Variants in ZNF804B observed in about 807,000 individuals in gnomAD.
The protein encoded by ZNF804B is zinc finger protein 804B.
In ZNF804B, 80 loss-of-function variants were observed where a neutral mutation model predicts 101.4. The ratio of observed to expected loss-of-function variants is 0.79; its 90% CI spans 0.66 to 0.95. The LOEUF is 0.95. Among genes scored for constraint, ZNF804B ranks in the 40% least tolerant of loss-of-function variants. The pLI is 0.00. For missense variants in ZNF804B, 1,673 were observed against 1,561.9 expected, an observed-to-expected ratio of 1.07 and a Z score of -1.20; for synonymous variants, 622 against 558.8, an observed-to-expected ratio of 1.11 and a Z score of -1.59.
At chr7:88,858,508 A>G (rs1791603966) in intron 1 of ZNF804B, among the ~76,000 whole-genome samples, 1 of 152,166 alleles carries the variant, frequency 6.6e-6, no homozygotes, top group Non-Finnish European at 1.5e-5. Flanking sequence ...TGGGGCATGC[A>G]ATAGAATTTG....
intron 1 of ZNF804B, among the ~76,000 whole-genome samples, chr7:88,931,158 G>A (rs1346489065): frequency 6.6e-6 from 1 of 151,864 alleles, no homozygotes; most frequent in Non-Finnish European, 1.5e-5. Flanking sequence ...TCCTGAGAAA[G>A]ATACTTCTTT....
At chr7:89,135,538 C>G (rs1790618346) in intron 1 of ZNF804B, among the ~76,000 whole-genome samples, 2 of 152,156 alleles carry the variant, frequency 1.3e-5, no homozygotes, top group South Asian at 2.1e-4. Flanking sequence ...TATTTCCTAT[C>G]ACTTTACAAA....
chr7:89,252,360 A>G (rs1486957635), intron 2 of ZNF804B, among the ~76,000 whole-genome samples: 1 of 152,188 alleles, frequency 6.6e-6, no homozygotes, highest in Non-Finnish European at 1.5e-5. Flanking sequence ...CTATTATTAA[A>G]AGTAAAAAGC....
At chr7:88,780,156 C>T (rs771620318) in intron 1 of ZNF804B, among the ~76,000 whole-genome samples, 2 of 151,876 alleles carry the variant, frequency 1.3e-5, no homozygotes, top group African/African-American at 4.8e-5. Flanking sequence ...GGCTTATATC[C>T]AAAAGACAGG....
At position 89,203,753 on chromosome 7, in the gene ZNF804B, G is replaced by A. The variant is rs149496608; in HGVS notation, c.109-14402G>A. Among the ~76,000 whole-genome samples the A allele has an allele frequency of 1.9e-3, 291 of 152,164 alleles. 1 individual carries two copies. Among genetic ancestry groups the A allele is most frequent in the Middle Eastern group, 6.8e-3 (2 of 294 alleles). On this transcript the variant is annotated intron_variant, in intron 1 of 3. Transcript: ENST00000333190. ...CTTATTATTAGACATAATAGCAGAC[G>A]TTCAGGAGAATAGAGAGATGTCCTT...
chr7:88,977,499 C>T (rs1182318505), intron 1 of ZNF804B, among the ~76,000 whole-genome samples: 1 of 151,434 alleles, frequency 6.6e-6, no homozygotes, highest in Non-Finnish European at 1.5e-5. Flanking sequence ...AGGAATTTAT[C>T]CATTTCTTCT....
intron 2 of ZNF804B, among the ~76,000 whole-genome samples, chr7:89,320,551 A>G (rs943763258): frequency 1.3e-5 from 2 of 152,120 alleles, no homozygotes; most frequent in African/African-American, 2.4e-5. Context: ...ATCATTTAGC[A>G]TATACACTAT....
intron 1 of ZNF804B, chr7:88,794,837 C>A: frequency 2.5e-6 from 4 of 1,613,724 alleles, no homozygotes; most frequent in Non-Finnish European, 3.4e-6. Flanking sequence ...CGTTGTTTCT[C>A]TTCTTGAAAG....
At chr7:88,962,342 A>C (rs1793397649) in intron 1 of ZNF804B, among the ~76,000 whole-genome samples, 1 of 151,174 alleles carries the variant, frequency 6.6e-6, no homozygotes, top group Non-Finnish European at 1.5e-5. Context: ...CCAGATGACG[A>C]TATGTAGTTG....
At chr7:88,774,166 C>A (rs1346763640) in intron 1 of ZNF804B, among the ~76,000 whole-genome samples, 1 of 148,706 alleles carries the variant, frequency 6.7e-6, no homozygotes. Flanking sequence ...AAATTTTTAT[C>A]TAGAGACTTT....
In ZNF804B at chr7:88,963,805, G is replaced by A. The variant is rs923789840; in HGVS notation, c.108+203721G>A. 6.6e-5 allele frequency among the ~76,000 whole-genome samples: 10 copies of A among 150,816 alleles called. No individual in the cohort carries two copies. In the East Asian group the frequency reaches 1.8e-3, roughly 27 times the overall value. ...TGACAAGAGAGTAACAATATATCAAGGACTTCTACAAATTATGAACAAACA... is the reference window on the plus strand; with the variant it reads ...TGACAAGAGAGTAACAATATATCAAAGACTTCTACAAATTATGAACAAACA... On this transcript the variant is annotated intron_variant, in intron 1 of 3. Coordinates refer to ENST00000333190, the MANE Select transcript of ZNF804B (RefSeq NM_181646.5).
chr7:88,953,388 A>G (rs964618681), intron 1 of ZNF804B, among the ~76,000 whole-genome samples: 7 of 151,626 alleles, frequency 4.6e-5, no homozygotes, highest in African/African-American at 1.7e-4. Flanking sequence ...TCTCTAAATA[A>G]CCCTCCAGTT....
At chr7:89,330,587 A>G (rs978756204) in intron 3 of ZNF804B, among the ~76,000 whole-genome samples, 3 of 151,676 alleles carry the variant, frequency 2.0e-5, no homozygotes, top group Admixed American at 6.6e-5. Context: ...AAAGATAAAA[A>G]CAGGATTTTC....
At chr7:89,237,842 C>A (rs1789308388) in intron 2 of ZNF804B, among the ~76,000 whole-genome samples, 1 of 152,110 alleles carries the variant, frequency 6.6e-6, no homozygotes, top group African/African-American at 2.4e-5. Context: ...TGCTTTATTC[C>A]AGATACTCAC....
chr7:89,127,796 A>C (rs544965834), intron 1 of ZNF804B, among the ~76,000 whole-genome samples: 66 of 151,738 alleles, frequency 4.3e-4, no homozygotes, highest in Non-Finnish European at 8.4e-4. Flanking sequence ...TAATGGCAAA[A>C]CAGCAATTAC....
At chr7:89,298,546 A>G (rs1048573302) in intron 2 of ZNF804B, among the ~76,000 whole-genome samples, 1 of 151,512 alleles carries the variant, frequency 6.6e-6, no homozygotes, top group South Asian at 2.1e-4. Flanking sequence ...CATAATGACT[A>G]TGTGATAATA....
At chr7:88,854,429 T>TCCTTCCTTTCTTTC (rs1356566067) in intron 1 of ZNF804B, among the ~76,000 whole-genome samples, 1 of 120,050 alleles carries the variant, frequency 8.3e-6, no homozygotes, top group South Asian at 3.0e-4. Flanking sequence ...CTTTCTTTCT[T>TCCTTCCTTTCTTTC]TCTTTCTTTC....
intron 1 of ZNF804B, among the ~76,000 whole-genome samples, chr7:88,767,484 G>A (rs1790002026): frequency 6.6e-6 from 1 of 152,180 alleles, no homozygotes; most frequent in South Asian, 2.1e-4. Flanking sequence ...GGCAAGCAAA[G>A]GCTATATGCA....
intron 1 of ZNF804B, among the ~76,000 whole-genome samples, chr7:88,990,381 T>C (rs1793828129): frequency 1.3e-5 from 2 of 152,124 alleles, no homozygotes; most frequent in South Asian, 4.1e-4. Flanking sequence ...TACACACACA[T>C]ACTTTCTCTC....
Sources: allele counts gnomAD v4.1 joint callset (sites outside exome capture counted in the v4.1 genomes callset), GRCh38; gene constraint gnomAD v4.1.1; transcripts MANE v1.5; gene names NCBI Gene and HGNC (gene_info 2026-07-23, HGNC 2026-07-21).